AKAP6: variants seen among roughly 807,000 people sequenced by gnomAD.
The protein encoded by AKAP6 is A-kinase anchoring protein 6, also known as A-kinase anchor protein 6.
Under a neutral mutation model 188.5 loss-of-function variants are expected in AKAP6, and 58 were observed. That is an observed-to-expected ratio of 0.31 (90% CI 0.25 to 0.38). The LOEUF is 0.38. Among genes scored for constraint, AKAP6 ranks in the 10% least tolerant of loss-of-function variants. AKAP6 has a pLI of 1.00. For synonymous variants in AKAP6, 989 were observed against 998.6 expected (o/e 0.99, Z 0.18); for missense variants, 2,710 against 2,740.0 (o/e 0.99, Z 0.24).
chr14:32,585,227 C>G (rs541450800), intron 5 of AKAP6, among the ~76,000 whole-genome samples: 24 of 152,108 alleles, frequency 1.6e-4, no homozygotes, highest in African/African-American at 5.1e-4. Context: ...GACAAACCAG[C>G]GCTTCTTTTA....
intron 7 of AKAP6, among the ~76,000 whole-genome samples, chr14:32,676,690 A>C (rs1566640898): frequency 6.6e-6 from 1 of 152,242 alleles, no homozygotes; most frequent in Non-Finnish European, 1.5e-5. Context: ...TGATTCCTGA[A>C]ACTTCAATTA....
At chr14:32,601,336 T>G (rs1047284016) in intron 7 of AKAP6, among the ~76,000 whole-genome samples, 1 of 152,172 alleles carries the variant, frequency 6.6e-6, no homozygotes. Flanking sequence ...TTGCTCCAAG[T>G]GTGAGTTCTC....
At chr14:32,518,539 G>A (rs548740931) in intron 2 of AKAP6, among the ~76,000 whole-genome samples, 9 of 152,254 alleles carry the variant, frequency 5.9e-5, no homozygotes, top group Admixed American at 2.0e-4. Context: ...CGAGAACTAC[G>A]TGACACATGC....
chr14:32,449,910 T>C (rs1890880796), intron 2 of AKAP6, among the ~76,000 whole-genome samples: 2 of 152,170 alleles, frequency 1.3e-5, no homozygotes, highest in African/African-American at 4.8e-5. Context: ...TTGATGCCTC[T>C]TTAGTGTCAG....
chr14:32,576,444 A>T (rs1594755768), intron 4 of AKAP6, among the ~76,000 whole-genome samples: 1 of 152,146 alleles, frequency 6.6e-6, no homozygotes, highest in African/African-American at 2.4e-5. Context: ...AAAAATTGCA[A>T]GGTTATTGTG....
intron 1 of AKAP6, among the ~76,000 whole-genome samples, chr14:32,422,074 A>G (rs747551363): frequency 6.6e-5 from 10 of 152,218 alleles, no homozygotes; most frequent in Non-Finnish European, 1.3e-4. Context: ...ACTACCCAGC[A>G]ACACAGAGTA....
At chr14:32,675,246 G>A (rs1315165397) in intron 7 of AKAP6, among the ~76,000 whole-genome samples, 1 of 152,144 alleles carries the variant, frequency 6.6e-6, no homozygotes, top group Non-Finnish European at 1.5e-5. Flanking sequence ...ATGGCATCAT[G>A]GGTCTTTTAG....
At chr14:32,552,284 G>C (rs935044602) in intron 4 of AKAP6, among the ~76,000 whole-genome samples, 1 of 152,180 alleles carries the variant, frequency 6.6e-6, no homozygotes, top group Non-Finnish European at 1.5e-5. Context: ...ACAAGATAAA[G>C]ACTTGGGAAT....
intron 1 of AKAP6, among the ~76,000 whole-genome samples, chr14:32,392,107 T>G (rs924375457): frequency 6.6e-6 from 1 of 152,168 alleles, no homozygotes; most frequent in African/African-American, 2.4e-5. Flanking sequence ...ATGAATAATA[T>G]AACAACAGTG....
intron 2 of AKAP6, among the ~76,000 whole-genome samples, chr14:32,501,145 A>G (rs1006710947): frequency 6.6e-6 from 1 of 152,190 alleles, no homozygotes; most frequent in African/African-American, 2.4e-5. Context: ...TAAAAACACA[A>G]TAAATTTTAA....
At chr14:32,352,735 A>G (rs1887331154) in intron 1 of AKAP6, among the ~76,000 whole-genome samples, 1 of 152,182 alleles carries the variant, frequency 6.6e-6, no homozygotes, top group Non-Finnish European at 1.5e-5. Flanking sequence ...AAATGACAAG[A>G]TTTCATTTTT....
intron 2 of AKAP6, among the ~76,000 whole-genome samples, chr14:32,510,405 T>TACAC (rs1491164903): frequency 2.0e-5 from 2 of 98,030 alleles, no homozygotes; most frequent in African/African-American, 8.7e-5. Flanking sequence ...TATATATATG[T>TACAC]ATATATATGT....
chr14:32,759,688 A>C (rs2032470965), intron 11 of AKAP6, among the ~76,000 whole-genome samples: 5 of 152,176 alleles, frequency 3.3e-5, no homozygotes, highest in Admixed American at 3.3e-4. Flanking sequence ...TCATAGTGGA[A>C]GGCAAAGGGG....
chr14:32,589,851 C>T (rs1472948974), intron 5 of AKAP6, among the ~76,000 whole-genome samples: 4 of 152,148 alleles, frequency 2.6e-5, no homozygotes, highest in Non-Finnish European at 5.9e-5. Context: ...ACAAGCCTCA[C>T]ACTATGAGGC....
Position 32,782,503 on chromosome 14 carries a change from A to T in AKAP6, c.3588+8610A>T, listed in dbSNP as rs139994106. Among the ~76,000 whole-genome samples, 691 of 152,296 alleles carry T rather than the reference A, an allele frequency of 4.5e-3. 6 individuals carry two copies. The highest frequency in any genetic ancestry group is 0.015 in the African/African-American group (623 of 41,568). On this transcript the variant is annotated intron_variant, in intron 12 of 13. Coordinates refer to ENST00000280979, the MANE Select transcript of AKAP6 (RefSeq NM_004274.5). ...AGATTCCATCACCATCTATGTAGAA[A>T]CTGCTACAGAATCTACAAAAAGATA...
intron 12 of AKAP6, among the ~76,000 whole-genome samples, chr14:32,789,837 T>A (rs2033554307): frequency 6.6e-6 from 1 of 152,122 alleles, no homozygotes. Context: ...GCAACACCTC[T>A]CCAGCAAGGG....
At chr14:32,462,058 C>T (rs963786716) in intron 2 of AKAP6, among the ~76,000 whole-genome samples, 1 of 151,978 alleles carries the variant, frequency 6.6e-6, no homozygotes, top group Non-Finnish European at 1.5e-5. Flanking sequence ...TGAACAAAGC[C>T]TTCAAGAAAT....
At chr14:32,525,954 T>G (rs1381926723) in intron 2 of AKAP6, among the ~76,000 whole-genome samples, 1 of 152,222 alleles carries the variant, frequency 6.6e-6, no homozygotes, top group East Asian at 1.9e-4. Flanking sequence ...ATTTTAGCAC[T>G]AAAAAGAATA....
chr14:32,428,165 G>C (rs1381979262), intron 1 of AKAP6, among the ~76,000 whole-genome samples: 1 of 152,100 alleles, frequency 6.6e-6, no homozygotes, highest in East Asian at 1.9e-4. Context: ...AGATTGCTGG[G>C]GTTTTTGAGA....
Sources: gnomAD v4.1 joint callset for allele counts (sites outside exome capture counted in the v4.1 genomes callset) on GRCh38, gnomAD v4.1.1 for gene constraint, MANE v1.5 for transcripts, NCBI Gene and HGNC (gene_info 2026-07-23, HGNC 2026-07-21) for gene names.